The following RPS6KA2 variants were observed in gnomAD, a reference collection of about 807,000 sequenced individuals.
The protein encoded by RPS6KA2 is ribosomal protein S6 kinase alpha-2.
RPS6KA2 carries 42 observed loss-of-function variants against 91.8 expected under a neutral mutation model. The ratio of observed to expected loss-of-function variants is 0.46; its 90% CI spans 0.36 to 0.59. The LOEUF (loss-of-function observed/expected upper bound fraction) is 0.59. Among genes scored for constraint, RPS6KA2 ranks in the 20% least tolerant of loss-of-function variants. The pLI, the probability that RPS6KA2 is intolerant of heterozygous loss-of-function variation, is 0.00. For missense variants in RPS6KA2, 798 were observed against 978.5 expected (o/e 0.82, Z 2.46); for synonymous variants, 414 against 393.6 (o/e 1.05, Z -0.61).
chr6:166,495,917 C>A lies in RPS6KA2; in HGVS notation c.747+2591G>T, dbSNP rs528360917. On this transcript the variant is annotated intron_variant, in intron 8 of 20. Transcript: ENST00000265678. The surrounding 1 kb of genome is among the most constrained non-coding windows in gnomAD (Gnocchi z 4.4). ...CCGGGGGGAGTTTGCTGGAGCAAGG[C>A]GAGCCCGACGTGGTCTCATTTCCTC... Among the ~76,000 whole-genome samples the A allele has an allele frequency of 6.6e-6, 1 of 152,196 alleles. No homozygotes were observed. The highest frequency in any genetic ancestry group is 1.9e-4 in the East Asian group (1 of 5,198).
At chr6:166,751,793 T>C (rs533220028) in intron 2 of RPS6KA2, among the ~76,000 whole-genome samples, 2 of 152,354 alleles carry the variant, frequency 1.3e-5, no homozygotes, top group South Asian at 4.1e-4. Flanking sequence ...GCACAGACTC[T>C]AGGAAATCTA....
intron 2 of RPS6KA2, among the ~76,000 whole-genome samples, chr6:166,633,948 G>A (rs549541014): frequency 1.3e-5 from 2 of 152,250 alleles, no homozygotes; most frequent in East Asian, 1.9e-4. Context: ...ACACGGGGAC[G>A]GTTTTTCAAA....
At chr6:166,492,683 T>C (rs4710056) in intron 8 of RPS6KA2, among the ~76,000 whole-genome samples, 37,166 of 152,000 alleles carry the variant, frequency 0.24, 5,384 homozygotes, top group East Asian at 0.52. Flanking sequence ...TGGACTGGTA[T>C]CTTGCATACA....
rs1056498357 is a variant in RPS6KA2, at chr6:166,447,023, G to T, written c.1332+1701C>A. 2.0e-5 allele frequency among the ~76,000 whole-genome samples: 3 copies of T among 152,174 alleles called. No homozygotes were observed. The South Asian group carries it at 6.2e-4, about 31-fold the overall frequency. ...CACTGGAACATCTGGACACAGGAAC[G>T]GCACCTGGGTATGCAGATGGTAGGC... On this transcript the variant is annotated intron_variant, in intron 14 of 20. Coordinates refer to ENST00000265678, the MANE Select transcript of RPS6KA2 (RefSeq NM_021135.6).
intron 10 of RPS6KA2, among the ~76,000 whole-genome samples, chr6:166,477,639 C>A (rs1471441510): frequency 6.6e-6 from 1 of 152,218 alleles, no homozygotes; most frequent in Non-Finnish European, 1.5e-5. Flanking sequence ...TCTGGCCAGG[C>A]ACAGTGGCTC....
chr6:166,765,100 C>T lies in RPS6KA2; in HGVS notation c.123+93100G>A, dbSNP rs1056045147. On this transcript the variant is annotated intron_variant, in intron 2 of 21. Transcript: ENST00000503859. Reference sequence around the variant, plus strand: ...CAGGTGGCAGGAGGAACAGCCACCACGCTGAACAAGGAAAGGACCCAGAAG... The same window carrying T: ...CAGGTGGCAGGAGGAACAGCCACCATGCTGAACAAGGAAAGGACCCAGAAG... Among the ~76,000 whole-genome samples, 23 of 135,524 alleles carry T rather than the reference C, an allele frequency of 1.7e-4. 1 individual carries two copies. Among genetic ancestry groups the T allele is most frequent in the East Asian group, 3.1e-4 (1 of 3,250 alleles). The allele number at this position is 135,524 out of a possible 152,430, so 88.9% of individuals were successfully genotyped here. A position where few individuals can be genotyped will look rare whatever the true frequency, so the allele number is the denominator to read the frequency against.
intron 1 of RPS6KA2, among the ~76,000 whole-genome samples, chr6:166,859,128 T>TA (rs1583185968): frequency 6.6e-6 from 1 of 152,286 alleles, no homozygotes; most frequent in East Asian, 1.9e-4. Flanking sequence ...TCTTCTCACC[T>TA]AGTAGCCAGG....
chr6:166,660,436 AAGGG>A (rs1788134082), intron 2 of RPS6KA2, among the ~76,000 whole-genome samples: 1 of 151,278 alleles, frequency 6.6e-6, no homozygotes, highest in Non-Finnish European at 1.5e-5. Flanking sequence ...GAGAGAGAAG[AAGGG>A]AGGGAGGAGA....
At chr6:166,426,402 C>T (rs1583116326) in intron 16 of RPS6KA2, among the ~76,000 whole-genome samples, 1 of 118,614 alleles carries the variant, frequency 8.4e-6, no homozygotes, top group Middle Eastern at 3.6e-3. Context: ...ACTAGAAAAG[C>T]AAGAGCAAAC....
intron 1 of RPS6KA2, among the ~76,000 whole-genome samples, chr6:166,541,700 G>A (rs182251350): frequency 7.4e-4 from 112 of 152,064 alleles, no homozygotes; most frequent in African/African-American, 2.4e-3. Flanking sequence ...CCCCACCTCC[G>A]TTGCAGAAGT....
chr6:166,716,741 C>CA (rs1272956495), intron 2 of RPS6KA2, among the ~76,000 whole-genome samples: 1 of 152,134 alleles, frequency 6.6e-6, no homozygotes, highest in African/African-American at 2.4e-5. Flanking sequence ...TCAGAAAAGA[C>CA]AAAAGCAAAC....
chr6:166,770,977 T>G lies in RPS6KA2; in HGVS notation c.123+87223A>C, dbSNP rs2128606693. 1 of 1,465,198 alleles carries G rather than the reference T, an allele frequency of 6.8e-7. No individual in the cohort carries two copies. The highest frequency in any genetic ancestry group is 9.3e-7 in the Non-Finnish European group (1 of 1,071,576). 90.8% of individuals were successfully genotyped at this position (1,465,198 alleles called of 1,614,324 possible). ...ACAGGACGTATTTACAGTCAGCAAC[T>G]TCATTAGCAAGGGCATTACTACCAT... On this transcript the variant is annotated intron_variant, in intron 2 of 21. Transcript: ENST00000503859. The surrounding 1 kb of genome is among the most constrained non-coding windows in gnomAD (Gnocchi z 5.1).
chr6:166,541,452 T>A (rs969995674), intron 1 of RPS6KA2, among the ~76,000 whole-genome samples: 3 of 152,198 alleles, frequency 2.0e-5, no homozygotes, highest in Admixed American at 6.5e-5. Flanking sequence ...GTCCCATGGG[T>A]CCTGGTCCCC....
chr6:166,465,579 G>A (rs764005088), intron 11 of RPS6KA2, among the ~76,000 whole-genome samples: 2 of 152,202 alleles, frequency 1.3e-5, no homozygotes, highest in East Asian at 1.9e-4. Context: ...TGCAGTTTAC[G>A]CGGTGTCCTG....
intron 2 of RPS6KA2, among the ~76,000 whole-genome samples, chr6:166,534,793 G>A (rs1783427972): frequency 6.6e-6 from 1 of 152,254 alleles, no homozygotes; most frequent in Non-Finnish European, 1.5e-5. Context: ...TGTCTGCCAA[G>A]CTTCTCTGTG....
chr6:166,421,711 A>C lies in RPS6KA2; in HGVS notation c.1743+1545T>G, dbSNP rs775097974. Among the ~76,000 whole-genome samples the C allele has an allele frequency of 7.2e-5, 11 of 152,128 alleles. 1 individual carries two copies. Among genetic ancestry groups the C allele is most frequent in the Non-Finnish European group, 1.5e-4 (10 of 68,020 alleles). ...CTTCTCTGGGCATCTCGCATGCATA[A>C]ATGAGAAGATGTGTGTTAATAAACT... On this transcript the variant is annotated intron_variant, in intron 17 of 20. Coordinates refer to ENST00000265678, the MANE Select transcript of RPS6KA2 (RefSeq NM_021135.6).
intron 11 of RPS6KA2, among the ~76,000 whole-genome samples, chr6:166,462,620 C>T (rs1780359732): frequency 6.6e-6 from 1 of 152,210 alleles, no homozygotes; most frequent in Admixed American, 6.5e-5. Context: ...CCCATCTGTG[C>T]CTAGCCCGGT....
intron 10 of RPS6KA2, among the ~76,000 whole-genome samples, chr6:166,478,888 C>T (rs1781082107): frequency 6.6e-6 from 1 of 152,212 alleles, no homozygotes; most frequent in African/African-American, 2.4e-5. Context: ...GCTGGTATTA[C>T]CCTCAGTTCG....
intron 2 of RPS6KA2, 97 bp from the exon 3 acceptor site, chr6:166,531,410 A>G (rs1476255846): frequency 3.2e-6 from 3 of 929,412 alleles, no homozygotes; most frequent in Non-Finnish European, 5.2e-6. Flanking sequence ...AGTTTAGAGC[A>G]TTTTCAATAA....
Sources: allele counts gnomAD v4.1 joint callset (sites outside exome capture counted in the v4.1 genomes callset), GRCh38; gene constraint gnomAD v4.1.1; non-coding constraint Gnocchi (gnomAD v3.1); transcripts MANE v1.5; gene names NCBI Gene and HGNC (gene_info 2026-07-23, HGNC 2026-07-21).